Variants in SPATA6L observed in about 807,000 individuals in gnomAD.
SPATA6L encodes the protein spermatogenesis associated 6-like protein.
In SPATA6L, 68 loss-of-function variants were observed where a neutral mutation model predicts 49.2. The ratio of observed to expected loss-of-function variants is 1.38; its 90% CI spans 1.14 to 1.69. SPATA6L has a LOEUF of 1.69. Ranked by LOEUF, SPATA6L falls within the 40% of genes most tolerant of loss-of-function variation. The pLI, the probability that SPATA6L is intolerant of heterozygous loss-of-function variation, is 0.00. For synonymous variants in SPATA6L, 198 were observed against 165.7 expected (o/e 1.19, Z -1.50); for missense variants, 668 against 464.3 (o/e 1.44, Z -4.03).
chr9:4,647,965 G>A (rs1052778518), intron 3 of SPATA6L, among the ~76,000 whole-genome samples: 1 of 151,870 alleles, frequency 6.6e-6, no homozygotes, highest in African/African-American at 2.4e-5. Flanking sequence ...CTCTCGAGTA[G>A]CTGGGACTAC....
downstream of SPATA6L, among the ~76,000 whole-genome samples, chr9:4,593,677 C>A (rs1036978561): frequency 1.3e-5 from 2 of 152,166 alleles, no homozygotes; most frequent in African/African-American, 4.8e-5. Context: ...ATCCAAAAGG[C>A]ATTTTCTCAG....
At chr9:4,623,042 G>A (rs1829687244) in intron 6 of SPATA6L, among the ~76,000 whole-genome samples, 1 of 152,190 alleles carries the variant, frequency 6.6e-6, no homozygotes, top group Non-Finnish European at 1.5e-5. Flanking sequence ...CACTTTGGGA[G>A]GCCGAGGAGG....
intron 9 of SPATA6L, among the ~76,000 whole-genome samples, chr9:4,610,864 T>C (rs1490908136): frequency 6.6e-6 from 1 of 151,698 alleles, no homozygotes; most frequent in Non-Finnish European, 1.5e-5. Context: ...ACAGGCAACC[T>C]ACAAAATGGG....
Position 4,603,738 on chromosome 9 carries a change from A to G in SPATA6L, c.*1+441T>C, listed in dbSNP as rs147263605. Among the ~76,000 whole-genome samples, 621 of 152,338 alleles carry G rather than the reference A, an allele frequency of 4.1e-3. 4 individuals are homozygous for G. The highest frequency in any genetic ancestry group is 0.014 in the African/African-American group (585 of 41,576). ...TTGTGTCATAATTTATGAAGGAAAA[A>G]TGCTGTGTACTAAAGGGTACACATC... On this transcript the variant is annotated intron_variant, in intron 11 of 11. Coordinates refer to ENST00000682582, the MANE Select transcript of SPATA6L (RefSeq NM_001353486.2).
intron 13 of SPATA6L, among the ~76,000 whole-genome samples, chr9:4,591,290 C>G (rs968988403): frequency 6.6e-6 from 1 of 152,088 alleles, no homozygotes; most frequent in East Asian, 1.9e-4. Flanking sequence ...TTTAAAGAGC[C>G]CTTGTGTTGT....
intron 10 of SPATA6L, among the ~76,000 whole-genome samples, chr9:4,604,948 T>C (rs1824357369): frequency 6.6e-6 from 1 of 152,214 alleles, no homozygotes; most frequent in Non-Finnish European, 1.5e-5. Context: ...TTCCATGTTG[T>C]GGCCTTACAT....
chr9:4,661,946 G>A lies in SPATA6L; in HGVS notation c.130C>T (p.Pro44Ser). ...TGAATCATAATGGGGAACGCAGAGG[G>A]AAAGCTGTTGGTCTCCAGGTACTGA... The part of the protein sequence containing the change: ...MNQYLETNSF[P>S]SAFPIMIQES... Residue 44 changes from proline to serine, a missense_variant, in exon 2 of 12, where the codon CCC (proline) becomes TCC (serine). Transcript: ENST00000682582. 5 of 1,613,984 alleles carry A rather than the reference G, an allele frequency of 3.1e-6. No homozygotes were observed. Among genetic ancestry groups the A allele is most frequent in the Non-Finnish European group, 4.2e-6 (5 of 1,179,904 alleles).
chr9:4,600,723 C>A lies in SPATA6L; in HGVS notation c.*88G>T, dbSNP rs749069935. On this transcript the variant is annotated 3_prime_UTR_variant, in exon 12 of 12. Coordinates refer to ENST00000682582, the MANE Select transcript of SPATA6L (RefSeq NM_001353486.2). ...GACATCAGTGACTCAACACAGACAA[C>A]AAAAAGTGTTCATTTCTTTAAGGAT... 1 of 152,174 alleles carries A rather than the reference C, an allele frequency of 6.6e-6. No homozygotes were observed. The highest frequency in any genetic ancestry group is 1.5e-5 in the Non-Finnish European group (1 of 68,024). The allele number at this position is 152,174 out of a possible 1,614,324, so 9.4% of individuals were successfully genotyped here. A position where few individuals can be genotyped will look rare whatever the true frequency, so the allele number is the denominator to read the frequency against.
chr9:4,618,949 C>A, intron 7 of SPATA6L, 51 bp from the exon 8 acceptor site: 1 of 1,529,086 alleles, frequency 6.5e-7, no homozygotes, highest in Non-Finnish European at 9.0e-7. Context: ...ACCATTTAGC[C>A]TTAAAACTGC....
intron 2 of SPATA6L, among the ~76,000 whole-genome samples, chr9:4,661,646 T>TA (rs947664706): frequency 6.6e-6 from 1 of 151,924 alleles, no homozygotes; most frequent in South Asian, 2.1e-4. Context: ...TTGCTCCAGT[T>TA]AAAAAAATGC....
chr9:4,608,000 C>T (rs1406521915), intron 9 of SPATA6L, among the ~76,000 whole-genome samples: 1 of 151,464 alleles, frequency 6.6e-6, no homozygotes, highest in Non-Finnish European at 1.5e-5. Context: ...CAATCCTAGT[C>T]TCGGATAAAA....
At position 4,662,027 on chromosome 9, in the gene SPATA6L, G is replaced by A. The variant is rs1839908098; in HGVS notation, c.49C>T (p.Pro17Ser). The A allele has an allele frequency of 1.2e-6, 2 of 1,613,316 alleles. No homozygotes were observed. Among genetic ancestry groups the A allele is most frequent in the African/African-American group, 1.3e-5 (1 of 74,888 alleles). The change falls in exon 2 of 12, where the codon CCA (proline) becomes TCA (serine). Residue 17 changes from proline (P) to serine (S), a missense_variant. By Grantham distance (74) the Pro-to-Ser change is moderately conservative. Coordinates refer to ENST00000682582, the MANE Select transcript of SPATA6L (RefSeq NM_001353486.2). The surrounding 1 kb of genome is among the most constrained non-coding windows in gnomAD (Gnocchi z 4.9). The stretch of plus-strand genomic sequence containing the variant: ...TGTTTGCCAGGCAGGAACACTCCTG[G>A]GCAAGAAATCTTAAAAAGAAAGAAA... ...VELQIRAISC[P>S]GVFLPGKQDV...
intron 5 of SPATA6L, chr9:4,627,901 A>C (rs1009579950): frequency 5.6e-6 from 5 of 885,472 alleles, no homozygotes; most frequent in Non-Finnish European, 8.0e-6. Flanking sequence ...ATTATATTAC[A>C]TACACATAAT....
At chr9:4,659,118 A>T (rs898323934) in intron 2 of SPATA6L, among the ~76,000 whole-genome samples, 2 of 152,134 alleles carry the variant, frequency 1.3e-5, no homozygotes, top group Non-Finnish European at 2.9e-5. Flanking sequence ...ATATGTTCCA[A>T]GGTAATAGCC....
chr9:4,625,873 C>T (rs771441384), intron 5 of SPATA6L: 1 of 192,618 alleles, frequency 5.2e-6, no homozygotes, highest in Non-Finnish European at 1.0e-5. Context: ...GAATTTGACA[C>T]ATAGAGGGGT....
rs1554721565 is a variant in SPATA6L at position 4,629,755 on chromosome 9, A to ATATGTG, written c.352-588_352-587insCACATA. 3.6e-3 allele frequency among the ~76,000 whole-genome samples: 455 copies of ATATGTG among 125,408 alleles called. 7 individuals carry two copies. The highest frequency in any genetic ancestry group is 0.014 in the African/African-American group (416 of 29,966). 82.3% of individuals were successfully genotyped at this position (125,408 alleles called of 152,430 possible). A position where few individuals can be genotyped will look rare whatever the true frequency, so the allele number is the denominator to read the frequency against. ...CTGTCTAAAATATTGTGTTTTATAT[A>ATATGTG]TGTGTGTGTGTGTGTATATATATAT... On this transcript the variant is annotated intron_variant, in intron 4 of 11. Transcript: ENST00000682582.
At chr9:4,625,999 C>T (rs1830278546) in intron 5 of SPATA6L, 1 of 156,642 alleles carries the variant, frequency 6.4e-6, no homozygotes, top group Admixed American at 6.3e-5. Flanking sequence ...GGTGAGTAAG[C>T]AATTGCGCTC....
At chr9:4,641,821 G>A (rs149790346) in intron 3 of SPATA6L, among the ~76,000 whole-genome samples, 70 of 152,308 alleles carry the variant, frequency 4.6e-4, no homozygotes, top group African/African-American at 1.4e-3. Flanking sequence ...TGCCCAAGCT[G>A]GAGTGCAGTG....
intron 5 of SPATA6L, chr9:4,626,305 C>T: frequency 8.8e-7 from 1 of 1,131,968 alleles, no homozygotes; most frequent in Admixed American, 3.6e-5. Context: ...GGCAGCTGAC[C>T]AGAGCCCCCT....
Sources: gnomAD v4.1 joint callset for allele counts (sites outside exome capture counted in the v4.1 genomes callset) on GRCh38, gnomAD v4.1.1 for gene constraint, Gnocchi (gnomAD v3.1) non-coding constraint, MANE v1.5 for transcripts, NCBI Gene and HGNC (gene_info 2026-07-23, HGNC 2026-07-21) for gene names.